PTPRM: variants seen among roughly 807,000 people sequenced by gnomAD.
PTPRM encodes protein tyrosine phosphatase receptor type M.
Under a neutral mutation model 186.7 loss-of-function variants are expected in PTPRM, and 47 were observed. The observed-to-expected ratio is 0.25, with a 90% CI of 0.20 to 0.32. The LOEUF (loss-of-function observed/expected upper bound fraction) is 0.32, where lower values mean the gene tolerates loss of function less well. Ranked by LOEUF, PTPRM falls within the 10% of genes least tolerant of loss-of-function variation. The probability of loss-of-function intolerance (pLI) is 1.00; values close to 1 mark genes in which losing one functional copy is unlikely to be tolerated. For synonymous variants in PTPRM, 668 were observed against 674.9 expected (o/e 0.99, Z 0.16); for missense variants, 1,494 against 1,865.0 (o/e 0.80, Z 3.66).
chr18:7,992,968 A>G (rs1325068535), intron 7 of PTPRM, among the ~76,000 whole-genome samples: 1 of 152,032 alleles, frequency 6.6e-6, no homozygotes, highest in Non-Finnish European at 1.5e-5. Flanking sequence ...ATACATATTT[A>G]CAAACAAAGT....
intron 3 of PTPRM, among the ~76,000 whole-genome samples, chr18:7,892,858 C>T (rs571203150): frequency 1.5e-4 from 23 of 152,284 alleles, no homozygotes; most frequent in African/African-American, 4.3e-4. Flanking sequence ...GAAGCAAGAG[C>T]TCTCACGCCT....
chr18:7,822,924 T>A (rs924865308), intron 2 of PTPRM, among the ~76,000 whole-genome samples: 17 of 152,062 alleles, frequency 1.1e-4, no homozygotes, highest in Non-Finnish European at 1.9e-4. Context: ...CGGGGAACAT[T>A]TGTTGTATAG....
intron 14 of PTPRM, among the ~76,000 whole-genome samples, chr18:8,172,529 A>G (rs1006232633): frequency 1.3e-5 from 2 of 152,080 alleles, no homozygotes; most frequent in African/African-American, 4.8e-5. Context: ...CCCCAGGCAT[A>G]TTGAATCAGA....
In PTPRM at chr18:8,314,896, G is replaced by A. The variant is rs538093666; in HGVS notation, c.2919+39G>A. Reference sequence around the variant, plus strand: ...TATTTTTAATTGATATATAATTGTTGTACATATTTGGGTGCTATGTATGAT... The same window carrying A: ...TATTTTTAATTGATATATAATTGTTATACATATTTGGGTGCTATGTATGAT... On this transcript the variant is annotated intron_variant, in intron 21 of 32. Transcript: ENST00000580170. The A allele has an allele frequency of 1.7e-4, 233 of 1,336,218 alleles. 3 individuals are homozygous for A. In the South Asian group the frequency reaches 2.9e-3, roughly 16 times the overall value. The allele number at this position is 1,336,218 out of a possible 1,614,324, so 82.8% of individuals were successfully genotyped here.
intron 1 of PTPRM, among the ~76,000 whole-genome samples, chr18:7,661,428 G>A (rs1266193631): frequency 6.6e-6 from 1 of 152,232 alleles, no homozygotes; most frequent in African/African-American, 2.4e-5. Flanking sequence ...AAAGACCTTA[G>A]CCCTGACTGA....
intron 14 of PTPRM, among the ~76,000 whole-genome samples, chr18:8,188,806 T>TCCC (rs2093674214): frequency 6.6e-6 from 1 of 152,154 alleles, no homozygotes; most frequent in East Asian, 1.9e-4. Flanking sequence ...AATACAGAGA[T>TCCC]CCAGACTCCA....
chr18:7,841,846 TG>T (rs1266431941), intron 2 of PTPRM, among the ~76,000 whole-genome samples: 1 of 152,146 alleles, frequency 6.6e-6, no homozygotes, highest in African/African-American at 2.4e-5. Flanking sequence ...GGCTTGGAAG[TG>T]GGGTGTGTAA....
chr18:7,651,662 T>C (rs578205400), intron 1 of PTPRM, among the ~76,000 whole-genome samples: 96 of 152,186 alleles, frequency 6.3e-4, no homozygotes, highest in African/African-American at 2.2e-3. Context: ...AAGGATTCCC[T>C]ATTTAATAAA....
intron 1 of PTPRM, chr18:7,748,961 A>G (rs995767450): frequency 6.6e-6 from 1 of 152,218 alleles, no homozygotes; most frequent in African/African-American, 2.4e-5. Context: ...AAACTCTAGT[A>G]TAATTTCAGA....
At chr18:8,318,567 G>T (rs1424867864) in intron 21 of PTPRM, among the ~76,000 whole-genome samples, 1 of 152,040 alleles carries the variant, frequency 6.6e-6, no homozygotes, top group Admixed American at 6.6e-5. Flanking sequence ...CAAAGTGCTG[G>T]GATCACAGGC....
At chr18:7,700,663 GGAA>G (rs2039940161) in intron 1 of PTPRM, among the ~76,000 whole-genome samples, 1 of 152,112 alleles carries the variant, frequency 6.6e-6, no homozygotes, top group Non-Finnish European at 1.5e-5. Context: ...CCAGGCGCCT[GGAA>G]GATGAAACTT....
chr18:8,187,143 T>G (rs900408769), intron 14 of PTPRM, among the ~76,000 whole-genome samples: 1 of 152,158 alleles, frequency 6.6e-6, no homozygotes, highest in Non-Finnish European at 1.5e-5. Flanking sequence ...TTTCACCATG[T>G]TGGCCAGGCA....
At chr18:7,952,038 C>T (rs2052994353) in intron 6 of PTPRM, among the ~76,000 whole-genome samples, 1 of 152,012 alleles carries the variant, frequency 6.6e-6, no homozygotes, top group South Asian at 2.1e-4. Context: ...CTTTTGATAA[C>T]CAAGGACATA....
intron 23 of PTPRM, among the ~76,000 whole-genome samples, chr18:8,366,356 C>A (rs921881454): frequency 1.3e-5 from 2 of 152,324 alleles, no homozygotes; most frequent in Admixed American, 1.3e-4. Context: ...TTGTTCAAAG[C>A]GCACATTTTC....
rs932323201 is a variant in PTPRM, at chr18:7,710,045, A to G, written c.74-64104A>G. 4.6e-5 allele frequency among the ~76,000 whole-genome samples: 7 copies of G among 152,230 alleles called. No individual in the cohort carries two copies. In the South Asian group the frequency reaches 1.0e-3, roughly 22 times the overall value. On this transcript the variant is annotated intron_variant, in intron 1 of 32. Coordinates refer to ENST00000580170, the MANE Select transcript of PTPRM (RefSeq NM_001105244.2). ...GAGGGAATCCTCCCTAAGTCATTCT[A>G]TGAAACCAGTATCACCCTAATACCA...
intron 14 of PTPRM, among the ~76,000 whole-genome samples, chr18:8,176,160 A>G (rs1422683482): frequency 6.6e-6 from 1 of 152,210 alleles, no homozygotes; most frequent in Non-Finnish European, 1.5e-5. Context: ...AAATTCATCC[A>G]GTATTTGGAG....
intron 4 of PTPRM, among the ~76,000 whole-genome samples, chr18:7,909,286 A>G (rs904821578): frequency 1.3e-5 from 2 of 152,222 alleles, no homozygotes; most frequent in African/African-American, 4.8e-5. Context: ...AGCCATAGAA[A>G]TGGTGTTTAT....
At chr18:8,142,382 C>T (rs1168050763) in intron 13 of PTPRM, among the ~76,000 whole-genome samples, 2 of 152,154 alleles carry the variant, frequency 1.3e-5, no homozygotes, top group Non-Finnish European at 2.9e-5. Flanking sequence ...GTTCAGAATG[C>T]AGGGCCTCAT....
intron 14 of PTPRM, among the ~76,000 whole-genome samples, chr18:8,180,268 A>G (rs1188974694): frequency 6.6e-6 from 1 of 152,222 alleles, no homozygotes; most frequent in East Asian, 1.9e-4. Flanking sequence ...TATCCAAGTC[A>G]TGCAGCACCA....
Sources: allele counts gnomAD v4.1 joint callset (sites outside exome capture counted in the v4.1 genomes callset), GRCh38; gene constraint gnomAD v4.1.1; transcripts MANE v1.5; gene names NCBI Gene and HGNC (gene_info 2026-07-23, HGNC 2026-07-21).